The following TLL1 variants were observed in gnomAD, a reference collection of about 807,000 sequenced individuals.
TLL1 encodes the protein tolloid like 1, also known as tolloid-like protein 1.
A neutral mutation model predicts 128.2 loss-of-function variants in TLL1; 49 were observed. That is an observed-to-expected ratio of 0.38 (90% CI 0.30 to 0.48). The LOEUF (loss-of-function observed/expected upper bound fraction) is 0.48, where lower values mean the gene tolerates loss of function less well. TLL1 is among the 20% of genes least tolerant of loss of function. TLL1 has a pLI of 0.96. For synonymous variants in TLL1, 454 were observed against 418.8 expected, an observed-to-expected ratio of 1.08 and a Z score of -1.03; for missense variants, 1,123 against 1,242.0, an observed-to-expected ratio of 0.90 and a Z score of 1.44.
At chr4:165,926,253 T>C (rs997346714) in intron 1 of TLL1, among the ~76,000 whole-genome samples, 2 of 152,176 alleles carry the variant, frequency 1.3e-5, no homozygotes, top group Non-Finnish European at 2.9e-5. Context: ...TTTCTGTCCA[T>C]CTATCTATTT....
chr4:165,903,553 C>T (rs1212612999), intron 1 of TLL1, among the ~76,000 whole-genome samples: 12 of 151,138 alleles, frequency 7.9e-5, no homozygotes, highest in Admixed American at 7.9e-4. Context: ...GCTGGGACTA[C>T]AGGTGTGTAC....
At chr4:166,077,106 G>A (rs1454626395) in intron 17 of TLL1, among the ~76,000 whole-genome samples, 1 of 152,060 alleles carries the variant, frequency 6.6e-6, no homozygotes, top group Non-Finnish European at 1.5e-5. Flanking sequence ...TCTAAACAAG[G>A]TTGTATGTTA....
At chr4:165,969,940 G>A (rs976851971) in intron 1 of TLL1, among the ~76,000 whole-genome samples, 24 of 152,128 alleles carry the variant, frequency 1.6e-4, no homozygotes, top group African/African-American at 5.8e-4. Flanking sequence ...TCTATGTAAC[G>A]TTGTATGTGT....
At position 166,025,286 on chromosome 4, in the gene TLL1, C is replaced by T. The variant is rs781256216; in HGVS notation, c.1043-30C>T. On this transcript the variant is annotated intron_variant, in intron 8 of 20. Coordinates refer to ENST00000061240, the MANE Select transcript of TLL1 (RefSeq NM_012464.5). Reference sequence around the variant, plus strand: ...ATTCACGTATTTTATATAAATTAACCAATGATCTTATATATTTTTTTCCTT... The same window carrying T: ...ATTCACGTATTTTATATAAATTAACTAATGATCTTATATATTTTTTTCCTT... 7.7e-6 allele frequency: 11 copies of T among 1,436,798 alleles called. No individual in the cohort carries two copies. The African/African-American group carries it at 1.3e-4, about 17-fold the overall frequency. The allele number at this position is 1,436,798 out of a possible 1,614,324, so 89.0% of individuals were successfully genotyped here.
chr4:166,056,778 G>T (rs545515919), intron 13 of TLL1, among the ~76,000 whole-genome samples: 6 of 152,152 alleles, frequency 3.9e-5, no homozygotes, highest in Admixed American at 6.6e-5. Flanking sequence ...GTGATCTTCA[G>T]TTGGCCCAGC....
At chr4:166,025,898 A>G (rs2111070209) in intron 9 of TLL1, among the ~76,000 whole-genome samples, 1 of 152,282 alleles carries the variant, frequency 6.6e-6, no homozygotes, top group South Asian at 2.1e-4. Flanking sequence ...TAAATACTAC[A>G]GTAGGAAATA....
chr4:166,056,246 A>G (rs1313519716), intron 13 of TLL1, among the ~76,000 whole-genome samples: 1 of 152,102 alleles, frequency 6.6e-6, no homozygotes, highest in Non-Finnish European at 1.5e-5. Context: ...TGTGATATTC[A>G]TATATTTACT....
At chr4:165,958,884 T>G (rs1412509485) in intron 1 of TLL1, among the ~76,000 whole-genome samples, 2 of 142,156 alleles carry the variant, frequency 1.4e-5, no homozygotes, top group African/African-American at 2.7e-5. Flanking sequence ...GAATTAATTT[T>G]TGTATAAGGT....
chr4:166,065,932 G>T, intron 16 of TLL1, 69 bp downstream of exon 16: 1 of 1,102,532 alleles, frequency 9.1e-7, no homozygotes, highest in East Asian at 4.0e-5. Flanking sequence ...AATTGTATGT[G>T]ATCTATTTTT....
intron 1 of TLL1, among the ~76,000 whole-genome samples, chr4:165,930,290 G>A (rs1456657846): frequency 1.3e-5 from 2 of 152,122 alleles, no homozygotes; most frequent in African/African-American, 4.8e-5. Context: ...TAGACCTTTG[G>A]CGGTAGTAGT....
intron 9 of TLL1, among the ~76,000 whole-genome samples, chr4:166,032,666 A>G (rs564625067): frequency 1.6e-4 from 25 of 152,294 alleles, no homozygotes; most frequent in South Asian, 6.2e-4. Flanking sequence ...TTCATATTGC[A>G]TAGTTTTCTA....
intron 16 of TLL1, among the ~76,000 whole-genome samples, chr4:166,072,195 C>T (rs555332948): frequency 6.6e-6 from 1 of 152,024 alleles, no homozygotes; most frequent in African/African-American, 2.4e-5. Flanking sequence ...ATTCTAGCCG[C>T]CTAACAGATA....
chr4:165,950,820 A>T (rs116648084), intron 1 of TLL1, among the ~76,000 whole-genome samples: 1,580 of 152,190 alleles, frequency 0.01, 18 homozygotes, highest in Middle Eastern at 0.014. Flanking sequence ...AAGTTCTCAG[A>T]TCAATAATTT....
At chr4:165,882,723 A>T (rs1045903158) in intron 1 of TLL1, among the ~76,000 whole-genome samples, 2 of 151,998 alleles carry the variant, frequency 1.3e-5, no homozygotes, top group Admixed American at 1.3e-4. Flanking sequence ...GGTTCAAGGG[A>T]TTCTCCTGCC....
intron 20 of TLL1, 95 bp from the exon 21 acceptor site, chr4:166,100,647 C>A: frequency 6.6e-7 from 1 of 1,516,134 alleles, no homozygotes; most frequent in Non-Finnish European, 9.1e-7. Flanking sequence ...AAATTATATT[C>A]CAAAGACAAG....
intron 9 of TLL1, among the ~76,000 whole-genome samples, chr4:166,037,094 T>C (rs140576654): frequency 1.7e-3 from 259 of 152,250 alleles, no homozygotes; most frequent in African/African-American, 6.0e-3. Context: ...TATGTAATCA[T>C]ATAGAGTTGA....
At chr4:165,931,580 G>A (rs865814325) in intron 1 of TLL1, among the ~76,000 whole-genome samples, 2 of 152,074 alleles carry the variant, frequency 1.3e-5, no homozygotes, top group South Asian at 2.1e-4. Flanking sequence ...TTAGCCGGGT[G>A]TGGTGGTGGG....
intron 1 of TLL1, among the ~76,000 whole-genome samples, chr4:165,952,559 T>C (rs1414400591): frequency 1.3e-5 from 2 of 152,138 alleles, no homozygotes; most frequent in Non-Finnish European, 2.9e-5. Context: ...ATCTCACAGA[T>C]TTATTTTTAA....
chr4:165,943,894 T>C (rs902176449), intron 1 of TLL1, among the ~76,000 whole-genome samples: 3 of 152,156 alleles, frequency 2.0e-5, no homozygotes, highest in African/African-American at 7.2e-5. Context: ...GGTTTTCCTA[T>C]TCCGCTTTCC....
Sources: allele counts gnomAD v4.1 joint callset (sites outside exome capture counted in the v4.1 genomes callset), GRCh38; gene constraint gnomAD v4.1.1; transcripts MANE v1.5; gene names NCBI Gene and HGNC (gene_info 2026-07-23, HGNC 2026-07-21).